Variants in CXADR observed in about 807,000 individuals in gnomAD.
CXADR encodes the protein coxsackievirus and adenovirus receptor.
A neutral mutation model predicts 40.3 loss-of-function variants in CXADR; 20 were observed. That is an observed-to-expected ratio of 0.50 (90% confidence interval 0.35 to 0.72). The LOEUF is 0.72. Ranked by LOEUF, CXADR falls within the 30% of genes least tolerant of loss-of-function variation. The probability of loss-of-function intolerance (pLI) is 0.01; values close to 1 mark genes in which losing one functional copy is unlikely to be tolerated. For missense variants in CXADR, 332 were observed against 449.1 expected (o/e 0.74, Z 2.36); for synonymous variants, 150 against 161.3 (o/e 0.93, Z 0.53).
At chr21:17,555,658 A>G (rs73308267) in intron 3 of CXADR, among the ~76,000 whole-genome samples, 3,810 of 152,198 alleles carry the variant, frequency 0.025, 173 homozygotes, top group African/African-American at 0.088. Flanking sequence ...CTGGGGGCAC[A>G]TGATGTCATG....
the CXADR span, among the ~76,000 whole-genome samples, chr21:17,623,498 T>C: frequency 2.0e-5 from 3 of 152,204 alleles, no homozygotes; most frequent in Non-Finnish European, 4.4e-5. Context: ...TTTACATTCA[T>C]TTCCTCTGTG....
At position 17,569,741 on chromosome 21, in the gene CXADR, G is replaced by T; in HGVS notation, c.*4049G>T. On this transcript the variant is annotated 3_prime_UTR_variant, in exon 7 of 7. Coordinates refer to ENST00000284878, the MANE Select transcript of CXADR (RefSeq NM_001338.5). Reference sequence around the variant, plus strand: ...TTAAGAATATAGTACATATCAGTTGGGTTTGGTTTTGGTCATCGAGACTAA... The same window carrying T: ...TTAAGAATATAGTACATATCAGTTGTGTTTGGTTTTGGTCATCGAGACTAA... 3 of 975,840 alleles carry T rather than the reference G, an allele frequency of 3.1e-6. No individual in the cohort carries two copies. The highest frequency in any genetic ancestry group is 2.3e-4 in the East Asian group (2 of 8,766). 60.4% of individuals were successfully genotyped at this position (975,840 alleles called of 1,614,324 possible). A position where few individuals can be genotyped will look rare whatever the true frequency, so the allele number is the denominator to read the frequency against.
Position 17,565,791 on chromosome 21 carries a change from C to T in CXADR, c.*99C>T, listed in dbSNP as rs1061462. 2.0e-6 allele frequency: 3 copies of T among 1,475,736 alleles called. No homozygotes were observed. Among genetic ancestry groups the T allele is most frequent in the African/African-American group, 2.9e-5 (2 of 70,026 alleles). The allele number at this position is 1,475,736 out of a possible 1,614,324, so 91.4% of individuals were successfully genotyped here. A position where few individuals can be genotyped will look rare whatever the true frequency, so the allele number is the denominator to read the frequency against. Reference sequence around the variant, plus strand: ...AAATTGTGTTACTAGCCTCAAAATACATCAAAAAATAAGTTAATCAGGAAC... The same window carrying T: ...AAATTGTGTTACTAGCCTCAAAATATATCAAAAAATAAGTTAATCAGGAAC... On this transcript the variant is annotated 3_prime_UTR_variant, in exon 7 of 7. Transcript: ENST00000284878.
At chr21:17,619,539 A>G in the CXADR span, among the ~76,000 whole-genome samples, 2 of 151,884 alleles carry the variant, frequency 1.3e-5, no homozygotes, top group African/African-American at 2.4e-5. Flanking sequence ...CAGTGAGCCA[A>G]GATGGTGCCA....
At chr21:17,623,919 C>T in the CXADR span, among the ~76,000 whole-genome samples, 1 of 152,212 alleles carries the variant, frequency 6.6e-6, no homozygotes, top group South Asian at 2.1e-4. Context: ...TATCCAGAAT[C>T]TGACCATTCC....
At chr21:17,605,061 T>C in the CXADR span, 1 of 1,542,986 alleles carries the variant, frequency 6.5e-7, no homozygotes, top group Non-Finnish European at 8.8e-7. Context: ...CCGTAATATC[T>C]ATTCATACTT....
At chr21:17,589,523 C>G (rs2061420086) in intron 7 of CXADR, among the ~76,000 whole-genome samples, 1 of 151,998 alleles carries the variant, frequency 6.6e-6, no homozygotes. Flanking sequence ...TCTGAGAACA[C>G]TAACTACCAT....
the CXADR span, among the ~76,000 whole-genome samples, chr21:17,610,603 G>C: frequency 4.6e-5 from 7 of 152,292 alleles, no homozygotes; most frequent in South Asian, 1.5e-3. Context: ...GCAAACCCTT[G>C]TCCTAAGATT....
chr21:17,560,962 TCTAGAAAAATA>T, intron 5 of CXADR, 138 bp downstream of exon 5: 1 of 1,333,128 alleles, frequency 7.5e-7, no homozygotes, highest in Middle Eastern at 2.1e-4. Flanking sequence ...TATTAGCTTT[TCTAGAAAAATA>T]CATTTTATTA....
intron 1 of CXADR, among the ~76,000 whole-genome samples, chr21:17,537,743 A>G (rs762622869): frequency 7.2e-5 from 11 of 152,098 alleles, no homozygotes; most frequent in Non-Finnish European, 1.3e-4. Context: ...TTGAATGCCA[A>G]GTGCCCAAAA....
At position 17,569,630 on chromosome 21, in the gene CXADR, G is replaced by A. The variant is rs2061258731; in HGVS notation, c.*3938G>A. ...TGTGGTTCAGTTTATTTATCTTTAG[G>A]GAAGGCTGATCATTTATCTTATAGC... On this transcript the variant is annotated 3_prime_UTR_variant, in exon 7 of 7. Transcript: ENST00000284878. 2 of 983,086 alleles carry A rather than the reference G, an allele frequency of 2.0e-6. No individual in the cohort carries two copies. Among genetic ancestry groups the A allele is most frequent in the South Asian group, 4.7e-5 (1 of 21,248 alleles). 60.9% of individuals were successfully genotyped at this position (983,086 alleles called of 1,614,324 possible).
chr21:17,517,698 C>T (rs2060478078), intron 1 of CXADR, among the ~76,000 whole-genome samples: 1 of 151,682 alleles, frequency 6.6e-6, no homozygotes, highest in Non-Finnish European at 1.5e-5. Context: ...GTTGTTGTTC[C>T]TCAAGATGAG....
intron 1 of CXADR, among the ~76,000 whole-genome samples, chr21:17,522,898 C>G (rs898300998): frequency 1.3e-5 from 2 of 152,202 alleles, no homozygotes; most frequent in African/African-American, 4.8e-5. Flanking sequence ...CCAGCTGATT[C>G]TGTTTCACAC....
At chr21:17,534,006 CAA>C (rs1491307703) in intron 1 of CXADR, among the ~76,000 whole-genome samples, 2 of 21,336 alleles carry the variant, frequency 9.4e-5, no homozygotes, top group East Asian at 1.6e-3. Flanking sequence ...TCTTTCTCAG[CAA>C]TATATATATA....
chr21:17,532,521 T>G (rs1209466699), intron 1 of CXADR, among the ~76,000 whole-genome samples: 1 of 152,306 alleles, frequency 6.6e-6, no homozygotes, highest in East Asian at 1.9e-4. Context: ...CCCCAAAACC[T>G]TCACTAAATC....
downstream of CXADR, among the ~76,000 whole-genome samples, chr21:17,596,800 G>A (rs1031690879): frequency 6.6e-5 from 10 of 151,998 alleles, no homozygotes; most frequent in African/African-American, 2.4e-4. Flanking sequence ...CATTGATACT[G>A]AATTGGATCT....
At chr21:17,578,668 A>G (rs1470871048) in intron 7 of CXADR, among the ~76,000 whole-genome samples, 1 of 152,168 alleles carries the variant, frequency 6.6e-6, no homozygotes, top group Non-Finnish European at 1.5e-5. Flanking sequence ...ATCTCTACAA[A>G]AAATATAAAA....
At chr21:17,618,357 G>T in the CXADR span, among the ~76,000 whole-genome samples, 1 of 152,040 alleles carries the variant, frequency 6.6e-6, no homozygotes, top group Non-Finnish European at 1.5e-5. Flanking sequence ...GTTGGAATCG[G>T]CTTCTTCCAA....
At chr21:17,533,007 G>A (rs368086837) in intron 1 of CXADR, among the ~76,000 whole-genome samples, 2 of 152,190 alleles carry the variant, frequency 1.3e-5, no homozygotes, top group African/African-American at 4.8e-5. Context: ...GAGAACTCCT[G>A]CTAATGCCTT....
Sources: gnomAD v4.1 joint callset for allele counts (sites outside exome capture counted in the v4.1 genomes callset) on GRCh38, gnomAD v4.1.1 for gene constraint, MANE v1.5 for transcripts, NCBI Gene and HGNC (gene_info 2026-07-23, HGNC 2026-07-21) for gene names.